GALNT13: variants seen among roughly 807,000 people sequenced by gnomAD.
GALNT13 encodes the protein UDP-GalNAc:polypeptide N-acetylgalactosaminyltransferase 13.
In GALNT13, 28 loss-of-function variants were observed where a neutral mutation model predicts 64.2. The observed-to-expected ratio is 0.44, with a 90% CI of 0.32 to 0.60. GALNT13 has a LOEUF of 0.60. Among genes scored for constraint, GALNT13 ranks in the 20% least tolerant of loss-of-function variants. The pLI, the probability that GALNT13 is intolerant of heterozygous loss-of-function variation, is 0.05. For missense variants in GALNT13, 577 were observed against 669.8 expected (o/e 0.86, Z 1.53); for synonymous variants, 214 against 224.6 (o/e 0.95, Z 0.42).
At chr2:154,359,445 G>T (rs1324314694) in intron 9 of GALNT13, among the ~76,000 whole-genome samples, 1 of 152,096 alleles carries the variant, frequency 6.6e-6, no homozygotes, top group East Asian at 1.9e-4. Context: ...GCTGCCTGTA[G>T]CGATGGTTCC....
intron 1 of GALNT13, among the ~76,000 whole-genome samples, chr2:153,889,799 G>A (rs1432227702): frequency 6.6e-6 from 1 of 151,950 alleles, no homozygotes; most frequent in Non-Finnish European, 1.5e-5. Context: ...CATAGTTTAA[G>A]GCACTATGTA....
At chr2:154,371,911 T>C (rs1327306062) in intron 9 of GALNT13, among the ~76,000 whole-genome samples, 2 of 152,042 alleles carry the variant, frequency 1.3e-5, no homozygotes, top group African/African-American at 2.4e-5. Context: ...CATTAATCTA[T>C]TTAATACAGA....
the GALNT13 span, among the ~76,000 whole-genome samples, chr2:153,403,476 G>A: frequency 2.0e-5 from 3 of 152,186 alleles, no homozygotes; most frequent in Non-Finnish European, 4.4e-5. Context: ...CTTCCTGGCT[G>A]CTTTGTTTAC....
chr2:154,106,002 A>G (rs1263162631), intron 3 of GALNT13, among the ~76,000 whole-genome samples: 1 of 152,146 alleles, frequency 6.6e-6, no homozygotes, highest in Non-Finnish European at 1.5e-5. Context: ...AAAGAGACTT[A>G]TGTTAGTCTT....
chr2:153,938,994 AAGAG>A (rs1395308995), intron 2 of GALNT13, among the ~76,000 whole-genome samples: 1 of 152,194 alleles, frequency 6.6e-6, no homozygotes, highest in Non-Finnish European at 1.5e-5. Flanking sequence ...GGGCGTATGT[AAGAG>A]AAGCGTAATC....
intron 4 of GALNT13, among the ~76,000 whole-genome samples, chr2:154,227,990 G>A (rs1017496539): frequency 7.2e-5 from 11 of 152,018 alleles, no homozygotes; most frequent in African/African-American, 2.4e-4. Flanking sequence ...CACTGTAAAT[G>A]TCAAATCCTA....
chr2:154,150,876 A>AT (rs1274769189), intron 4 of GALNT13, among the ~76,000 whole-genome samples: 1 of 152,142 alleles, frequency 6.6e-6, no homozygotes, highest in East Asian at 1.9e-4. Context: ...CTTTCAAAAA[A>AT]CCAGCTCCTG....
intron 3 of GALNT13, among the ~76,000 whole-genome samples, chr2:154,099,717 T>G (rs1403042121): frequency 6.6e-6 from 1 of 152,052 alleles, no homozygotes; most frequent in Admixed American, 6.6e-5. Context: ...GCAAGAGGAT[T>G]GCTTGAGCCC....
At chr2:154,235,402 C>T (rs1689141528) in intron 4 of GALNT13, among the ~76,000 whole-genome samples, 1 of 152,082 alleles carries the variant, frequency 6.6e-6, no homozygotes, top group Admixed American at 6.6e-5. Flanking sequence ...TTACTTCAGG[C>T]CCCAAGCTGC....
At chr2:154,172,764 A>G (rs528248243) in intron 4 of GALNT13, among the ~76,000 whole-genome samples, 12 of 151,948 alleles carry the variant, frequency 7.9e-5, no homozygotes, top group Admixed American at 5.3e-4. Flanking sequence ...AGCAGTAAAC[A>G]TGGGCATACA....
At chr2:153,851,889 G>A in the GALNT13 span, among the ~76,000 whole-genome samples, 63,115 of 151,980 alleles carry the variant, frequency 0.42, 14,085 homozygotes, top group Admixed American at 0.57. Context: ...CAAAATGTAT[G>A]ACAAGACTAG....
At chr2:153,801,864 G>GTTT in the GALNT13 span, among the ~76,000 whole-genome samples, 1 of 151,958 alleles carries the variant, frequency 6.6e-6, no homozygotes, top group Non-Finnish European at 1.5e-5. Context: ...ACTTATGTAT[G>GTTT]GTATGTATTG....
intron 9 of GALNT13, among the ~76,000 whole-genome samples, chr2:154,362,013 C>T (rs956649852): frequency 1.3e-5 from 2 of 152,070 alleles, no homozygotes; most frequent in Non-Finnish European, 2.9e-5. Context: ...CCTGCTACTA[C>T]TGAGCCCAGT....
chr2:154,133,537 TA>T (rs1682756697), intron 3 of GALNT13, among the ~76,000 whole-genome samples: 14 of 7,216 alleles, frequency 1.9e-3, no homozygotes, highest in Non-Finnish European at 3.1e-3. Context: ...GACCATTTTA[TA>T]TATATATATA....
the GALNT13 span, among the ~76,000 whole-genome samples, chr2:153,772,275 C>G: frequency 6.6e-6 from 1 of 152,222 alleles, no homozygotes; most frequent in Non-Finnish European, 1.5e-5. Flanking sequence ...ATTTCCTCCT[C>G]TCAGTTCTGG....
At chr2:154,291,886 T>A (rs1267025218) in intron 8 of GALNT13, among the ~76,000 whole-genome samples, 1 of 152,256 alleles carries the variant, frequency 6.6e-6, no homozygotes, top group East Asian at 1.9e-4. Context: ...TTTTGTTTTT[T>A]CCTTTTATGT....
chr2:154,061,412 T>C (rs1700177487), intron 3 of GALNT13, among the ~76,000 whole-genome samples: 1 of 152,202 alleles, frequency 6.6e-6, no homozygotes, highest in African/African-American at 2.4e-5. Flanking sequence ...ACACAGGATT[T>C]TGGGTCAGAG....
At chr2:153,420,768 T>G in the GALNT13 span, 1 of 230,976 alleles carries the variant, frequency 4.3e-6, no homozygotes, top group Admixed American at 4.1e-5. Context: ...AGAAAATGCT[T>G]CTTCTCCCAT....
At chr2:153,123,693 T>C in the GALNT13 span, among the ~76,000 whole-genome samples, 32 of 152,304 alleles carry the variant, frequency 2.1e-4, no homozygotes, top group African/African-American at 7.7e-4. Context: ...TTTCATTTCA[T>C]CCGAAGCCTA....
Sources: gnomAD v4.1 joint callset for allele counts (sites outside exome capture counted in the v4.1 genomes callset) on GRCh38, gnomAD v4.1.1 for gene constraint, MANE v1.5 for transcripts, NCBI Gene and HGNC (gene_info 2026-07-23, HGNC 2026-07-21) for gene names.